Variants in ADGRA3 observed in about 807,000 individuals in gnomAD.
ADGRA3 encodes the protein G-protein coupled receptor 125.
ADGRA3 carries 56 observed loss-of-function variants against 119.8 expected under a neutral mutation model. The observed-to-expected ratio is 0.47, with a 90% confidence interval of 0.38 to 0.58. ADGRA3 has a LOEUF of 0.58. Among genes scored for constraint, ADGRA3 ranks in the 20% least tolerant of loss-of-function variants. The probability of loss-of-function intolerance (pLI) is 0.00; values close to 1 mark genes in which losing one functional copy is unlikely to be tolerated. For missense variants in ADGRA3, 1,516 were observed against 1,649.0 expected (o/e 0.92, Z 1.40); for synonymous variants, 607 against 623.8 (o/e 0.97, Z 0.40).
intron 6 of ADGRA3, among the ~76,000 whole-genome samples, chr4:22,444,030 TTTTG>T (rs554337965): frequency 4.7e-4 from 71 of 150,372 alleles, no homozygotes; most frequent in Non-Finnish European, 9.1e-4. Context: ...CTTTTTTGTT[TTTTG>T]TTTTTGTTTT....
intron 16 of ADGRA3, among the ~76,000 whole-genome samples, chr4:22,398,495 T>C (rs368136203): frequency 1.3e-5 from 2 of 152,126 alleles, no homozygotes; most frequent in Admixed American, 1.3e-4. Context: ...GACCCCCTCA[T>C]CACAGGTAAC....
At position 22,426,960 on chromosome 4, in the gene ADGRA3, C is replaced by T. The variant is rs529635566; in HGVS notation, c.1444-2608G>A. Among the ~76,000 whole-genome samples, 23 of 152,236 alleles carry T rather than the reference C, an allele frequency of 1.5e-4. No individual in the cohort carries two copies. The South Asian group carries it at 4.6e-3, about 30-fold the overall frequency. On this transcript the variant is annotated intron_variant, in intron 10 of 18. Transcript: ENST00000334304. The stretch of plus-strand genomic sequence containing the variant: ...TTATAAAGAAGGGTATTGACTCTTG[C>T]TATGTCAGTTACTGAATCTGTCAAT...
chr4:22,436,308 A>C, intron 9 of ADGRA3, 132 bp downstream of exon 9: 1 of 664,972 alleles, frequency 1.5e-6, no homozygotes. Flanking sequence ...GAAGACAGTT[A>C]AGTCAACTAA....
chr4:22,502,944 A>G (rs1222310547), intron 1 of ADGRA3, among the ~76,000 whole-genome samples: 2 of 151,988 alleles, frequency 1.3e-5, no homozygotes. Context: ...CTTTGTACAA[A>G]GATTTACTGA....
chr4:22,507,025 C>T (rs1577390250), intron 1 of ADGRA3, among the ~76,000 whole-genome samples: 1 of 151,904 alleles, frequency 6.6e-6, no homozygotes, highest in African/African-American at 2.4e-5. Context: ...ATCACGAGGT[C>T]AGGAGCTGGA....
At chr4:22,503,360 T>A (rs1719116116) in intron 1 of ADGRA3, among the ~76,000 whole-genome samples, 1 of 152,182 alleles carries the variant, frequency 6.6e-6, no homozygotes, top group East Asian at 1.9e-4. Context: ...AAGAAAAGAA[T>A]CAGGAAGAAT....
intron 12 of ADGRA3, among the ~76,000 whole-genome samples, chr4:22,416,075 T>C (rs1303317257): frequency 6.6e-6 from 1 of 152,196 alleles, no homozygotes; most frequent in Non-Finnish European, 1.5e-5. Context: ...ATGGAATACT[T>C]GTGTATTTAA....
chr4:22,463,382 T>A (rs1385092894), intron 2 of ADGRA3, among the ~76,000 whole-genome samples: 2 of 152,206 alleles, frequency 1.3e-5, no homozygotes, highest in African/African-American at 4.8e-5. Context: ...TGGCGCCACC[T>A]GTCAGCACAA....
chr4:22,498,341 G>A (rs764474662), intron 1 of ADGRA3, among the ~76,000 whole-genome samples: 2 of 152,128 alleles, frequency 1.3e-5, no homozygotes, highest in Non-Finnish European at 2.9e-5. Context: ...TAACATGGCC[G>A]GGTGCAGTGG....
rs532464269 is a variant in ADGRA3 at position 22,452,254 on chromosome 4, A to G, written c.473+2612T>C. ...TGATAGACAGTGGAAAATCACATGC[A>G]TGAGGGGGTAGGAAGAGGGTGGATG... On this transcript the variant is annotated intron_variant, in intron 4 of 18. Transcript: ENST00000334304. Among the ~76,000 whole-genome samples, 80 of 152,296 alleles carry G rather than the reference A, an allele frequency of 5.3e-4. 1 individual carries two copies. In the South Asian group the frequency reaches 0.016, roughly 31 times the overall value.
chr4:22,400,770 T>A (rs1450122283), intron 16 of ADGRA3, among the ~76,000 whole-genome samples: 1 of 151,816 alleles, frequency 6.6e-6, no homozygotes, highest in South Asian at 2.1e-4. Flanking sequence ...ACACAGCCGA[T>A]AAATGGTAAA....
intron 16 of ADGRA3, among the ~76,000 whole-genome samples, chr4:22,395,513 G>A (rs1427976944): frequency 1.3e-5 from 2 of 152,156 alleles, no homozygotes; most frequent in Non-Finnish European, 2.9e-5. Flanking sequence ...CTTGAGATAT[G>A]AAAACAGAGA....
At chr4:22,442,070 G>A (rs1433891132) in intron 7 of ADGRA3, among the ~76,000 whole-genome samples, 1 of 151,514 alleles carries the variant, frequency 6.6e-6, no homozygotes, top group Non-Finnish European at 1.5e-5. Flanking sequence ...GAAAGGGAGT[G>A]GAAAACTCAA....
chr4:22,482,591 G>A (rs1718290716), intron 1 of ADGRA3, among the ~76,000 whole-genome samples: 1 of 152,088 alleles, frequency 6.6e-6, no homozygotes, highest in Non-Finnish European at 1.5e-5. Context: ...CTCAAGCCCA[G>A]GGGGTTGAGG....
In ADGRA3 at chr4:22,413,117, GAGCTTAA is replaced by G. The variant is rs961524831; in HGVS notation, c.2232+58_2232+64del. The stretch of plus-strand genomic sequence containing the variant: ...CAAAAAACAAAAAAACACTTCATTT[GAGCTTAA>G]TTATGCATAGCAAAAATGTAGAATA... On this transcript the variant is annotated intron_variant, in intron 14 of 18. Transcript: ENST00000334304. The G allele has an allele frequency of 4.4e-5, 49 of 1,113,910 alleles. No individual in the cohort carries two copies. The African/African-American group carries it at 7.5e-4, about 17-fold the overall frequency. The allele number at this position is 1,113,910 out of a possible 1,614,324, so 69.0% of individuals were successfully genotyped here.
intron 1 of ADGRA3, among the ~76,000 whole-genome samples, chr4:22,480,322 A>T (rs1232474354): frequency 5.9e-5 from 9 of 152,110 alleles, no homozygotes; most frequent in Non-Finnish European, 1.3e-4. Context: ...GTGGGGGAAA[A>T]ATGTGATCAC....
chr4:22,426,862 C>A (rs1715960951), intron 10 of ADGRA3, among the ~76,000 whole-genome samples: 1 of 152,144 alleles, frequency 6.6e-6, no homozygotes. Flanking sequence ...ACATTAGCAT[C>A]CTAGTTCATG....
At chr4:22,490,482 A>C (rs1718584908) in intron 1 of ADGRA3, among the ~76,000 whole-genome samples, 1 of 152,068 alleles carries the variant, frequency 6.6e-6, no homozygotes, top group Admixed American at 6.5e-5. Flanking sequence ...TTTCAGCCAA[A>C]ATTCTTGATG....
At chr4:22,438,482 T>G in intron 7 of ADGRA3, 62 bp from the exon 8 acceptor site, 1 of 1,302,400 alleles carries the variant, frequency 7.7e-7, no homozygotes, top group Non-Finnish European at 1.1e-6. Flanking sequence ...GAGACAATAA[T>G]GGGTCTCAAT....
Sources: gnomAD v4.1 joint callset for allele counts (sites outside exome capture counted in the v4.1 genomes callset) on GRCh38, gnomAD v4.1.1 for gene constraint, MANE v1.5 for transcripts, NCBI Gene and HGNC (gene_info 2026-07-23, HGNC 2026-07-21) for gene names.